Variants in GATAD2B observed in about 807,000 individuals in gnomAD.
The protein encoded by GATAD2B is GATA zinc finger domain containing 2B.
GATAD2B carries 8 observed loss-of-function variants against 64.3 expected under a neutral mutation model. That is an observed-to-expected ratio of 0.12 (90% confidence interval 0.07 to 0.22). The LOEUF is 0.22. Among genes scored for constraint, GATAD2B ranks in the 10% least tolerant of loss-of-function variants. GATAD2B has a pLI of 1.00. For synonymous variants in GATAD2B, 281 were observed against 271.3 expected (o/e 1.04, Z -0.35); for missense variants, 453 against 752.0 (o/e 0.60, Z 4.65).
intron 1 of GATAD2B, among the ~76,000 whole-genome samples, chr1:153,878,379 G>C (rs1570982832): frequency 2.0e-5 from 3 of 152,006 alleles, no homozygotes; most frequent in East Asian, 3.9e-4. Context: ...TTCTGCGATG[G>C]TCTCCCAAGG....
chr1:153,879,923 T>C (rs1676958388), intron 1 of GATAD2B, among the ~76,000 whole-genome samples: 1 of 152,140 alleles, frequency 6.6e-6, no homozygotes, highest in African/African-American at 2.4e-5. Flanking sequence ...CAATCTCTAA[T>C]TTTTCCTTCC....
intron 1 of GATAD2B, among the ~76,000 whole-genome samples, chr1:153,899,333 C>T (rs1439461558): frequency 6.6e-6 from 1 of 152,106 alleles, no homozygotes; most frequent in Non-Finnish European, 1.5e-5. Flanking sequence ...CTTTGGGAGG[C>T]CAAGGTGGGC....
At position 153,818,163 on chromosome 1, in the gene GATAD2B, A is replaced by T; in HGVS notation, c.606T>A (p.Val202=). Residue 202 remains valine (V), a synonymous_variant, in exon 5 of 11, where the codon GTT becomes GTA. Transcript: ENST00000368655. ...QKENVVQKTP[V]VQNAASIVQP... ...GAACAATAGATGCTGCATTCTGTACAACTGGAGTCTGGGAGAGGGAAGAGA... is the reference window on the plus strand; with the variant it reads ...GAACAATAGATGCTGCATTCTGTACTACTGGAGTCTGGGAGAGGGAAGAGA... The T allele has an allele frequency of 6.2e-7, 1 of 1,601,614 alleles. No homozygotes were observed. The highest frequency in any genetic ancestry group is 8.5e-7 in the Non-Finnish European group (1 of 1,175,006).
At chr1:153,872,904 A>G (rs1447760611) in intron 1 of GATAD2B, among the ~76,000 whole-genome samples, 1 of 152,190 alleles carries the variant, frequency 6.6e-6, no homozygotes, top group Non-Finnish European at 1.5e-5. Context: ...TCAAAAGCCA[A>G]GTACTAAAAG....
intron 7 of GATAD2B, among the ~76,000 whole-genome samples, chr1:153,813,793 T>C (rs1674369139): frequency 1.3e-5 from 2 of 151,998 alleles, no homozygotes; most frequent in South Asian, 2.1e-4. Flanking sequence ...CTGACCAACA[T>C]AGTGAAAACC....
intron 1 of GATAD2B, among the ~76,000 whole-genome samples, chr1:153,872,109 A>G (rs1269875566): frequency 6.6e-6 from 1 of 151,930 alleles, no homozygotes; most frequent in Non-Finnish European, 1.5e-5. Context: ...CTTGAGGCCA[A>G]GAGTTCGAGA....
intron 1 of GATAD2B, among the ~76,000 whole-genome samples, chr1:153,903,217 C>CAA (rs1335057322): frequency 6.4e-5 from 8 of 125,218 alleles, no homozygotes; most frequent in Non-Finnish European, 1.2e-4. Context: ...GACTCCATCT[C>CAA]AAAAAAAAAA....
chr1:153,832,148 G>A (rs1433084725), intron 1 of GATAD2B, among the ~76,000 whole-genome samples: 1 of 152,062 alleles, frequency 6.6e-6, no homozygotes, highest in Non-Finnish European at 1.5e-5. Flanking sequence ...CCGGGAGGCA[G>A]AGGTTTCAGT....
chr1:153,901,961 CCAAT>C (rs1677789997), intron 1 of GATAD2B, among the ~76,000 whole-genome samples: 1 of 143,050 alleles, frequency 7.0e-6, no homozygotes, highest in Admixed American at 7.6e-5. Flanking sequence ...AGAGCAGGGG[CCAAT>C]CAGACTCCGT....
At chr1:153,908,486 T>C (rs538916269) in intron 1 of GATAD2B, among the ~76,000 whole-genome samples, 1 of 152,194 alleles carries the variant, frequency 6.6e-6, no homozygotes, top group South Asian at 2.1e-4. Context: ...AACATACTTT[T>C]TTTTTTTTTG....
chr1:153,820,098 C>CAAA (rs201426841), intron 2 of GATAD2B, among the ~76,000 whole-genome samples: 3 of 63,154 alleles, frequency 4.8e-5, no homozygotes, highest in Admixed American at 1.4e-4. Flanking sequence ...GTTCCCGTCT[C>CAAA]AAAAAAAAAA....
intron 1 of GATAD2B, among the ~76,000 whole-genome samples, chr1:153,884,106 G>A (rs939301360): frequency 6.6e-6 from 1 of 151,860 alleles, no homozygotes; most frequent in Non-Finnish European, 1.5e-5. Flanking sequence ...ACACCAGCCT[G>A]GCCAACACGG....
intron 1 of GATAD2B, chr1:153,853,011 C>T: frequency 1.6e-6 from 2 of 1,255,246 alleles, no homozygotes; most frequent in East Asian, 2.3e-5. Flanking sequence ...TGGTCTTGTC[C>T]ATCAACCCTG....
intron 1 of GATAD2B, among the ~76,000 whole-genome samples, chr1:153,842,111 CT>C (rs1675517606): frequency 1.3e-5 from 2 of 152,278 alleles, no homozygotes; most frequent in East Asian, 3.9e-4. Flanking sequence ...GGAGAAGCGA[CT>C]TGAAGTGTGT....
intron 1 of GATAD2B, among the ~76,000 whole-genome samples, chr1:153,920,448 G>A (rs149517607): frequency 6.6e-6 from 1 of 152,214 alleles, no homozygotes; most frequent in African/African-American, 2.4e-5. Context: ...CCACCCTGTG[G>A]CCCTATGCTA....
At chr1:153,887,338 A>G (rs1677214045) in intron 1 of GATAD2B, among the ~76,000 whole-genome samples, 1 of 152,230 alleles carries the variant, frequency 6.6e-6, no homozygotes, top group Non-Finnish European at 1.5e-5. Context: ...CTCTGGAAAA[A>G]GGCAGTTTAG....
chr1:153,865,299 A>C (rs573322049), intron 1 of GATAD2B, among the ~76,000 whole-genome samples: 1 of 151,972 alleles, frequency 6.6e-6, no homozygotes, highest in South Asian at 2.1e-4. Flanking sequence ...GTCTCTACTA[A>C]AAAATACAAA....
In GATAD2B at chr1:153,809,442, A is replaced by G. The variant is rs941727744; in HGVS notation, c.*735T>C. The G allele has an allele frequency of 1.3e-5, 2 of 152,490 alleles. No homozygotes were observed. Among genetic ancestry groups the G allele is most frequent in the Non-Finnish European group, 2.9e-5 (2 of 68,050 alleles). The allele number at this position is 152,490 out of a possible 1,614,324, so 9.4% of individuals were successfully genotyped here. A position where few individuals can be genotyped will look rare whatever the true frequency, so the allele number is the denominator to read the frequency against. On this transcript the variant is annotated 3_prime_UTR_variant, in exon 11 of 11. Transcript: ENST00000368655. ...CTATGGGTAAATTCCAGAGTGGTTG[A>G]GTTTTAAGCTCCTCCCCAGGCTCTT...
chr1:153,889,407 C>T (rs576596024), intron 1 of GATAD2B, among the ~76,000 whole-genome samples: 7 of 119,540 alleles, frequency 5.9e-5, no homozygotes, highest in Non-Finnish European at 8.3e-5. Context: ...AGCGAAACCC[C>T]GTCTCCAAAA....
Sources: allele counts gnomAD v4.1 joint callset (sites outside exome capture counted in the v4.1 genomes callset), GRCh38; gene constraint gnomAD v4.1.1; transcripts MANE v1.5; gene names NCBI Gene and HGNC (gene_info 2026-07-23, HGNC 2026-07-21).